RSRC2: variants seen among roughly 807,000 people sequenced by gnomAD.
RSRC2 encodes arginine and serine rich coiled-coil 2, also known as arginine/serine-rich coiled-coil protein 2.
A neutral mutation model predicts 61.3 loss-of-function variants in RSRC2; 5 were observed. The ratio of observed to expected loss-of-function variants is 0.08; its 90% CI spans 0.04 to 0.17. The LOEUF (loss-of-function observed/expected upper bound fraction) is 0.17, where lower values mean the gene tolerates loss of function less well. Among genes scored for constraint, RSRC2 ranks in the 10% least tolerant of loss-of-function variants. The probability of loss-of-function intolerance (pLI) is 1.00; values close to 1 mark genes in which losing one functional copy is unlikely to be tolerated. For missense variants in RSRC2, 381 were observed against 518.8 expected, an observed-to-expected ratio of 0.73 and a Z score of 2.58; for synonymous variants, 202 against 166.5, an observed-to-expected ratio of 1.21 and a Z score of -1.64.
rs188817168 is a variant in RSRC2, at chr12:122,508,111, G to A, written c.1035+107C>T. On this transcript the variant is annotated intron_variant, in intron 8 of 9. Coordinates refer to ENST00000331738, the MANE Select transcript of RSRC2 (RefSeq NM_023012.6). ...AGCCACCCGCGTCTGGCCACCCCAG[G>A]TTCTTACAAAGTTAAGCCGAAAGTA... 881 of 1,040,640 alleles carry A rather than the reference G, an allele frequency of 8.5e-4. 10 individuals are homozygous for A. The Admixed American group carries it at 0.016, about 19-fold the overall frequency. 64.5% of individuals were successfully genotyped at this position (1,040,640 alleles called of 1,614,324 possible). A position where few individuals can be genotyped will look rare whatever the true frequency, so the allele number is the denominator to read the frequency against.
chr12:122,523,977 G>A (rs554950911), intron 1 of RSRC2, among the ~76,000 whole-genome samples: 1 of 152,164 alleles, frequency 6.6e-6, no homozygotes, highest in Admixed American at 6.5e-5. Context: ...AGAACAGTAA[G>A]AAATTAACTA....
intron 6 of RSRC2, among the ~76,000 whole-genome samples, chr12:122,511,966 C>T (rs1958549275): frequency 6.6e-6 from 1 of 152,170 alleles, no homozygotes; most frequent in Non-Finnish European, 1.5e-5. Flanking sequence ...ACCACCATGC[C>T]CAGCTAATGT....
chr12:122,504,198 T>C lies in RSRC2; in HGVS notation c.*1329A>G, dbSNP rs1958000403. On this transcript the variant is annotated 3_prime_UTR_variant, in exon 10 of 10. Transcript: ENST00000331738. ...CTTCCCTGATTGTAATGTGCTCTCA[T>C]TCTGTGATGTTTTCCAAAGGATTTT... 1 of 152,194 alleles carries C rather than the reference T, an allele frequency of 6.6e-6. No homozygotes were observed. Among genetic ancestry groups the C allele is most frequent in the East Asian group, 1.9e-4 (1 of 5,200 alleles). 9.4% of individuals were successfully genotyped at this position (152,194 alleles called of 1,614,324 possible).
intron 3 of RSRC2, chr12:122,520,296 G>A (rs925605012): frequency 2.4e-5 from 8 of 329,018 alleles, no homozygotes; most frequent in Non-Finnish European, 3.6e-5. Flanking sequence ...GTTCTCTATA[G>A]GAGCTTAGAA....
In RSRC2 at chr12:122,508,239, A is replaced by G. The variant is rs1958257962; in HGVS notation, c.1014T>C (p.Leu338=). ...FAEQEKKRKM[L]WQGKKEGDKS... ...TTACCCCTTCTTTCTTGCCCTGCCA[A>G]AGCATTTTCCTTTTTTTCTCTTGTT... Residue 338 remains leucine (L), a synonymous_variant, in exon 8 of 10, where the codon CTT becomes CTC. Transcript: ENST00000331738. 2 of 1,614,002 alleles carry G rather than the reference A, an allele frequency of 1.2e-6. No homozygotes were observed. The highest frequency in any genetic ancestry group is 1.7e-6 in the Non-Finnish European group (2 of 1,179,936).
rs77917970 is a variant in RSRC2 at position 122,517,974 on chromosome 12, G to C, written c.399-544C>G. Reference sequence around the variant, plus strand: ...CTTAAACCACACAGTTTAACAATATGATTTTTTCAGTGCCAGACAGATTAA... The same window carrying C: ...CTTAAACCACACAGTTTAACAATATCATTTTTTCAGTGCCAGACAGATTAA... On this transcript the variant is annotated intron_variant, in intron 4 of 9. Coordinates refer to ENST00000331738, the MANE Select transcript of RSRC2 (RefSeq NM_023012.6). Among the ~76,000 whole-genome samples the C allele has an allele frequency of 1.8e-3, 274 of 152,276 alleles. 4 individuals carry two copies. Among genetic ancestry groups the C allele is most frequent in the African/African-American group, 6.3e-3 (262 of 41,540 alleles).
In RSRC2 at chr12:122,508,482, C is replaced by T. The variant is rs760098377; in HGVS notation, c.806-35G>A. On this transcript the variant is annotated intron_variant, in intron 7 of 9. Coordinates refer to ENST00000331738, the MANE Select transcript of RSRC2 (RefSeq NM_023012.6). ...GAGAATACAAAAATGGATTTTAAAA[C>T]GATTTTAAAACATAAACCTCCTGAT... 1.2e-5 allele frequency: 18 copies of T among 1,505,254 alleles called. No individual in the cohort carries two copies. In the African/African-American group the frequency reaches 1.9e-4, roughly 16 times the overall value. 93.2% of individuals were successfully genotyped at this position (1,505,254 alleles called of 1,614,324 possible).
rs564384307 is a variant in RSRC2, at chr12:122,512,676, A to G, written c.726-1488T>C. ...GAACCCAGGAGGCAGGGGTTGCAGT[A>G]AGCTGAGATCACACCACTGCACTCC... On this transcript the variant is annotated intron_variant, in intron 6 of 9. Coordinates refer to ENST00000331738, the MANE Select transcript of RSRC2 (RefSeq NM_023012.6). Among the ~76,000 whole-genome samples the G allele has an allele frequency of 6.0e-5, 9 of 151,244 alleles. No homozygotes were observed. The South Asian group carries it at 1.9e-3, about 32-fold the overall frequency.
intron 6 of RSRC2, among the ~76,000 whole-genome samples, chr12:122,513,063 T>C (rs1958641910): frequency 6.6e-6 from 1 of 151,770 alleles, no homozygotes; most frequent in Non-Finnish European, 1.5e-5. Flanking sequence ...GGTGTGGTGA[T>C]GCGCATCAGT....
chr12:122,514,811 CA>C (rs11322682), intron 6 of RSRC2: 319,887 of 604,944 alleles, frequency 0.53, 76,633 homozygotes, highest in African/African-American at 0.73. Context: ...ATTTAAGACT[CA>C]AAAAAAAAAA....
At position 122,505,783 on chromosome 12, in the gene RSRC2, TA is replaced by T. The variant is rs1958074357; in HGVS notation, c.1126-78del. 12 of 1,319,390 alleles carry T rather than the reference TA, an allele frequency of 9.1e-6. No homozygotes were observed. The South Asian group carries it at 1.2e-4, about 13-fold the overall frequency. The allele number at this position is 1,319,390 out of a possible 1,614,324, so 81.7% of individuals were successfully genotyped here. A position where few individuals can be genotyped will look rare whatever the true frequency, so the allele number is the denominator to read the frequency against. ...CTCTCACTTGACACTATTTTTTATG[TA>T]TTTTTTTTTTTTGAGATGGAGTCTT... On this transcript the variant is annotated intron_variant, in intron 9 of 9. Coordinates refer to ENST00000331738, the MANE Select transcript of RSRC2 (RefSeq NM_023012.6).
At chr12:122,505,968 G>A (rs377256340) in intron 9 of RSRC2, among the ~76,000 whole-genome samples, 1 of 152,068 alleles carries the variant, frequency 6.6e-6, no homozygotes, top group Non-Finnish European at 1.5e-5. Context: ...CAGTAGAGAC[G>A]GGGTTTCACC....
rs1593451753 is a variant in RSRC2 at position 122,526,907 on chromosome 12, A to T, written c.-54T>A. On this transcript the variant is annotated 5_prime_UTR_variant, in exon 1 of 10. Transcript: ENST00000331738. ...GCCTCCACTTGTCGCTTTCAACAGT[A>T]CCGGCCGCTCCGAAGCTTCGCCTCA... 2 of 1,609,974 alleles carry T rather than the reference A, an allele frequency of 1.2e-6. No homozygotes were observed. Among genetic ancestry groups the T allele is most frequent in the South Asian group, 1.1e-5 (1 of 90,946 alleles).
chr12:122,514,872 G>T, intron 6 of RSRC2: 1 of 679,534 alleles, frequency 1.5e-6, no homozygotes, highest in Non-Finnish European at 2.2e-6. Flanking sequence ...TGAGAAAAAT[G>T]AAATCAGTTA....
At position 122,508,551 on chromosome 12, in the gene RSRC2, A is replaced by C. The variant is rs571775041; in HGVS notation, c.806-104T>G. 16 of 908,584 alleles carry C rather than the reference A, an allele frequency of 1.8e-5. No homozygotes were observed. In the South Asian group the frequency reaches 2.7e-4, roughly 15 times the overall value. 56.3% of individuals were successfully genotyped at this position (908,584 alleles called of 1,614,324 possible). A position where few individuals can be genotyped will look rare whatever the true frequency, so the allele number is the denominator to read the frequency against. ...TATAAAAAGCTATGAATGTGCAAAAAGGCAGGATTTTCACCAAATCCAAGG... is the reference window on the plus strand; with the variant it reads ...TATAAAAAGCTATGAATGTGCAAAACGGCAGGATTTTCACCAAATCCAAGG... On this transcript the variant is annotated intron_variant, in intron 7 of 9. Coordinates refer to ENST00000331738, the MANE Select transcript of RSRC2 (RefSeq NM_023012.6).
At chr12:122,511,594 G>A (rs1052256045) in intron 6 of RSRC2, among the ~76,000 whole-genome samples, 5 of 151,996 alleles carry the variant, frequency 3.3e-5, no homozygotes, top group Admixed American at 6.6e-5. Flanking sequence ...CAAGACATTC[G>A]GATAATTTTT....
At chr12:122,519,093 T>A (rs748406361) in intron 3 of RSRC2, 64 bp from the exon 4 acceptor site, 6 of 1,342,136 alleles carry the variant, frequency 4.5e-6, no homozygotes, top group Non-Finnish European at 6.4e-6. Context: ...AGTATGGGTA[T>A]CAGTAGACAA....
At chr12:122,515,344 T>C (rs61956121) in intron 5 of RSRC2, 117 bp from the exon 6 acceptor site, 357,125 of 983,320 alleles carry the variant, frequency 0.36, 69,192 homozygotes, top group Admixed American at 0.38. Flanking sequence ...TAGTTTGAGA[T>C]GCAAAAGATT....
rs1271951028 is a variant in RSRC2, at chr12:122,519,018, A to C, written c.219T>G (p.His73Gln). The C allele has an allele frequency of 1.2e-6, 2 of 1,613,224 alleles. No individual in the cohort carries two copies. Among genetic ancestry groups the C allele is most frequent in the South Asian group, 1.1e-5 (1 of 91,050 alleles). Residue 73 changes from histidine to glutamine, a missense_variant, in exon 4 of 10, where the codon CAT (histidine) becomes CAG (glutamine). His to Gln is a conservative substitution (Grantham distance 24). This residue lies in a region of RSRC2 where 266 missense variants were observed against 270.5 expected (regional missense o/e 0.98). Transcript: ENST00000331738. ...SRSRSKEGRR[H>Q]ESKDKSSKKH... ...TCTTAGAGGATTTATCTTTGGATTC[A>C]TGTCTTCTTCCCTGTTTTAAGAAGA...
Sources: gnomAD v4.1 joint callset for allele counts (sites outside exome capture counted in the v4.1 genomes callset) on GRCh38, gnomAD v4.1.1 for gene constraint, gnomAD v4.1.1 regional missense constraint, MANE v1.5 for transcripts, NCBI Gene and HGNC (gene_info 2026-07-23, HGNC 2026-07-21) for gene names.